Variants in CEP95 observed in about 807,000 individuals in gnomAD.
CEP95 encodes the protein centrosomal protein 95, also known as centrosomal protein of 95 kDa.
Under a neutral mutation model 111.2 loss-of-function variants are expected in CEP95, and 98 were observed. That is an observed-to-expected ratio of 0.88 (90% CI 0.75 to 1.04). The LOEUF is 1.04. Among genes scored for constraint, CEP95 ranks in the 50% least tolerant of loss-of-function variants. CEP95 has a pLI of 0.00. For synonymous variants in CEP95, 323 were observed against 327.1 expected (o/e 0.99, Z 0.14); for missense variants, 1,027 against 977.2 (o/e 1.05, Z -0.68).
chr17:64,537,299 A>G, intron 19 of CEP95, 187 bp downstream of exon 19: 1 of 1,408,904 alleles, frequency 7.1e-7, no homozygotes, highest in Non-Finnish European at 9.3e-7. Context: ...TTAATGATGC[A>G]TTTCTTGGAA....
chr17:64,512,723 G>C (rs1555675433), intron 3 of CEP95, among the ~76,000 whole-genome samples: 1 of 152,160 alleles, frequency 6.6e-6, no homozygotes, highest in African/African-American at 2.4e-5. Context: ...ATACTCTTCT[G>C]TCTTAAGTTT....
Position 64,508,652 on chromosome 17 carries a change from A to G in CEP95, c.80A>G (p.Glu27Gly). 6.8e-7 allele frequency: 1 copy of G among 1,468,690 alleles called. No homozygotes were observed. The highest frequency in any genetic ancestry group is 9.1e-7 in the Non-Finnish European group (1 of 1,101,906). The allele number at this position is 1,468,690 out of a possible 1,614,324, so 91.0% of individuals were successfully genotyped here. ...FKCHIHLRIHELQDCDANVFI... is the reference protein window; with the variant it reads ...FKCHIHLRIHGLQDCDANVFI... ...TGTCATATACATCTGAGAATACATG[A>G]ACTTCAAGACTGTGATGCTAATGTT... Residue 27 changes from glutamate (E) to glycine (G), a missense_variant, in exon 2 of 20, where the codon GAA (glutamate) becomes GGA (glycine). Transcript: ENST00000556440.
rs369507564 is a variant in CEP95 at position 64,534,571 on chromosome 17, T to C, written c.1918-14T>C. The C allele has an allele frequency of 3.4e-5, 55 of 1,612,224 alleles. No homozygotes were observed. Among genetic ancestry groups the C allele is most frequent in the African/African-American group, 2.3e-4 (17 of 74,854 alleles). On this transcript the variant is annotated splice_polypyrimidine_tract_variant and intron_variant, in intron 16 of 19. Transcript: ENST00000556440. ...GTCCTTACCCTTCTCTTCCCTCCCC[T>C]TTCCCTTTCTTAGCAAGACTTCAAG... is the stretch of plus-strand genomic sequence containing the variant.
chr17:64,530,416 T>C (rs149172247), intron 12 of CEP95, among the ~76,000 whole-genome samples: 346 of 151,856 alleles, frequency 2.3e-3, no homozygotes, highest in African/African-American at 8.0e-3. Context: ...ATTTGTGATA[T>C]AGAGTCTGAA....
At position 64,508,573 on chromosome 17, in the gene CEP95, T is replaced by C; in HGVS notation, c.20-19T>C. The stretch of plus-strand genomic sequence containing the variant: ...TCTGGTGGTTTTTAAGACTGATCTT[T>C]CCCCCTTTTTCCCAACAGAGTGGGT... On this transcript the variant is annotated intron_variant, in intron 1 of 19. Transcript: ENST00000556440. The C allele has an allele frequency of 7.3e-7, 1 of 1,362,192 alleles. No individual in the cohort carries two copies. The highest frequency in any genetic ancestry group is 9.6e-7 in the Non-Finnish European group (1 of 1,044,088). The allele number at this position is 1,362,192 out of a possible 1,614,324, so 84.4% of individuals were successfully genotyped here.
chr17:64,512,599 T>A (rs1199420563), intron 3 of CEP95, among the ~76,000 whole-genome samples: 1 of 152,256 alleles, frequency 6.6e-6, no homozygotes, highest in Non-Finnish European at 1.5e-5. Context: ...GGATTTATAC[T>A]GTTGATTTAT....
At chr17:64,515,209 T>G (rs2039079915) in intron 4 of CEP95, among the ~76,000 whole-genome samples, 2 of 152,146 alleles carry the variant, frequency 1.3e-5, no homozygotes, top group Admixed American at 6.5e-5. Context: ...CCAAGCTGCT[T>G]GTCATGTTGA....
chr17:64,517,566 C>T (rs1966965690), intron 5 of CEP95, among the ~76,000 whole-genome samples: 1 of 151,888 alleles, frequency 6.6e-6, no homozygotes, highest in Non-Finnish European at 1.5e-5. Context: ...AATAAAGAGA[C>T]AGGGTCTTGC....
chr17:64,515,163 A>T (rs892487314), intron 4 of CEP95, among the ~76,000 whole-genome samples: 13 of 152,158 alleles, frequency 8.5e-5, no homozygotes, highest in African/African-American at 3.1e-4. Flanking sequence ...TCAAAAATTG[A>T]GTGTTTTATA....
At chr17:64,508,783 T>C (rs1049741598) in intron 2 of CEP95, 63 bp downstream of exon 2, 20 of 747,470 alleles carry the variant, frequency 2.7e-5, no homozygotes, top group African/African-American at 7.3e-5. Flanking sequence ...TTTAGTCCTT[T>C]AGTTAGATTC....
At chr17:64,510,112 C>A in intron 2 of CEP95, 61 bp from the exon 3 acceptor site, 1 of 865,148 alleles carries the variant, frequency 1.2e-6, no homozygotes, top group Non-Finnish European at 1.9e-6. Flanking sequence ...TAGTCAGAGA[C>A]AATGAGATGA....
At position 64,527,115 on chromosome 17, in the gene CEP95, TAAA is replaced by T. The variant is rs1555679250; in HGVS notation, c.1160_1162del (p.Lys387del). The T allele has an allele frequency of 6.2e-7, 1 of 1,610,572 alleles. No homozygotes were observed. Among genetic ancestry groups the T allele is most frequent in the Admixed American group, 1.7e-5 (1 of 59,490 alleles). On this transcript the variant is annotated inframe_deletion, in exon 11 of 20. Transcript: ENST00000556440. The stretch of plus-strand genomic sequence containing the variant: ...TGAAAAGAATTTTCTCAATAGATGT[TAAA>T]AAGTGCTCTGGGTGATCGGATTAAA...
At chr17:64,518,056 T>C (rs1967009534) in intron 5 of CEP95, among the ~76,000 whole-genome samples, 1 of 152,116 alleles carries the variant, frequency 6.6e-6, no homozygotes, top group South Asian at 2.1e-4. Flanking sequence ...TTTGTATCTT[T>C]AGTAAAGGTG....
intron 14 of CEP95, chr17:64,532,236 A>C: frequency 8.1e-7 from 1 of 1,230,704 alleles, no homozygotes; most frequent in South Asian, 3.3e-5. Flanking sequence ...TTGGCACCCA[A>C]GGAATGCCAG....
At chr17:64,530,354 C>T (rs1249179154) in intron 12 of CEP95, among the ~76,000 whole-genome samples, 1 of 152,126 alleles carries the variant, frequency 6.6e-6, no homozygotes, top group African/African-American at 2.4e-5. Context: ...CCACTGCCTC[C>T]AGCCTGGGCG....
At chr17:64,522,042 G>A (rs782106664) in intron 7 of CEP95, among the ~76,000 whole-genome samples, 2 of 151,842 alleles carry the variant, frequency 1.3e-5, no homozygotes, top group Non-Finnish European at 2.9e-5. Context: ...TAGTAGAGAT[G>A]GGGTTTCACC....
Position 64,525,869 on chromosome 17 carries a change from C to T in CEP95, c.1009C>T (p.Pro337Ser). 6.4e-7 allele frequency: 1 copy of T among 1,570,912 alleles called. No homozygotes were observed. The highest frequency in any genetic ancestry group is 8.6e-7 in the Non-Finnish European group (1 of 1,167,202). The stretch of plus-strand genomic sequence containing the variant: ...CCAAGGGCCTAGGACAAGGAAGCCT[C>T]CCAAAGGAAAAAGGTAACATTACTG... Reference protein sequence around the residue: ...QVQGPRTRKPPKGKRNENRAT... With the variant: ...QVQGPRTRKPSKGKRNENRAT... The change falls in exon 9 of 20, where the codon CCC becomes TCC. Residue 337 changes from proline (P) to serine (S), a missense_variant. By Grantham distance (74) the Pro-to-Ser change is moderately conservative. Coordinates refer to ENST00000556440, the MANE Select transcript of CEP95 (RefSeq NM_138363.3).
Position 64,537,636 on chromosome 17 carries a change from A to AAGAT in CEP95, c.2324_2327dup (p.Met776IlefsTer17), listed in dbSNP as rs1568162392. On this transcript the variant is annotated frameshift_variant, in exon 20 of 20. Coordinates refer to ENST00000556440, the MANE Select transcript of CEP95 (RefSeq NM_138363.3). LOFTEE classifies it high-confidence loss of function. The stretch of plus-strand genomic sequence containing the variant: ...TAAGGTGAAGAGGGAGCTGAGATCT[A>AAGAT]AGATGGAGAAGGAAATTCAGCAGCT... 1.2e-6 allele frequency: 2 copies of AAGAT among 1,611,486 alleles called. No homozygotes were observed. The highest frequency in any genetic ancestry group is 2.2e-5 in the East Asian group (1 of 44,788).
chr17:64,507,052 G>A lies in CEP95; in HGVS notation c.-46G>A. The A allele has an allele frequency of 6.5e-7, 1 of 1,550,338 alleles. No homozygotes were observed. Among genetic ancestry groups the A allele is most frequent in the Admixed American group, 2.0e-5 (1 of 51,012 alleles). Reference sequence around the variant, plus strand: ...GGATCGGTCCTTCCAGGACACCGTCGCCTTCCCGGCCGCGTCGGAGTCCGG... The same window carrying A: ...GGATCGGTCCTTCCAGGACACCGTCACCTTCCCGGCCGCGTCGGAGTCCGG... On this transcript the variant is annotated 5_prime_UTR_variant, in exon 1 of 20. Transcript: ENST00000556440.
Sources: gnomAD v4.1 joint callset for allele counts (sites outside exome capture counted in the v4.1 genomes callset) on GRCh38, gnomAD v4.1.1 for gene constraint, MANE v1.5 for transcripts, NCBI Gene and HGNC (gene_info 2026-07-23, HGNC 2026-07-21) for gene names.